Variants in EYS observed in about 807,000 individuals in gnomAD.
EYS encodes the protein protein eyes shut homolog.
In EYS, 250 loss-of-function variants were observed where a neutral mutation model predicts 282.1. The observed-to-expected ratio is 0.89, with a 90% CI of 0.80 to 0.98. The LOEUF is 0.98. Among genes scored for constraint, EYS ranks in the 50% least tolerant of loss-of-function variants. EYS has a pLI of 0.00. For missense variants in EYS, 4,016 were observed against 3,709.0 expected, an observed-to-expected ratio of 1.08 and a Z score of -2.15; for synonymous variants, 1,355 against 1,282.9, an observed-to-expected ratio of 1.06 and a Z score of -1.20.
At position 63,890,559 on chromosome 6, in the gene EYS, C is replaced by T. The variant is rs111399464; in HGVS notation, c.7056-26201G>A. On this transcript the variant is annotated intron_variant, in intron 35 of 42. Transcript: ENST00000503581. ...TATTTGAAACCAATGAGAATAAAGA[C>T]ACACTGTACCAGAATCTCTGGGACA... Among the ~76,000 whole-genome samples the T allele has an allele frequency of 7.1e-3, 1,080 of 152,214 alleles. 17 individuals are homozygous for T. The highest frequency in any genetic ancestry group is 0.024 in the South Asian group (118 of 4,824).
chr6:64,568,503 T>A (rs1446889488), intron 26 of EYS, among the ~76,000 whole-genome samples: 3 of 152,034 alleles, frequency 2.0e-5, no homozygotes, highest in African/African-American at 7.2e-5. Flanking sequence ...CAGATAAAAT[T>A]CCCATCTCCC....
chr6:64,447,331 C>A (rs1037554329), intron 26 of EYS, among the ~76,000 whole-genome samples: 1 of 152,028 alleles, frequency 6.6e-6, no homozygotes, highest in African/African-American at 2.4e-5. Flanking sequence ...TTACATAATC[C>A]ATTTTAGCTC....
chr6:65,191,948 CTT>C (rs60578566), intron 12 of EYS, among the ~76,000 whole-genome samples: 226 of 146,078 alleles, frequency 1.5e-3, no homozygotes, highest in African/African-American at 4.7e-3. Context: ...TTCATTTGTA[CTT>C]TTTTTTTTTT....
At chr6:63,825,868 C>T (rs1771446390) in intron 36 of EYS, among the ~76,000 whole-genome samples, 2 of 152,122 alleles carry the variant, frequency 1.3e-5, no homozygotes, top group South Asian at 4.1e-4. Flanking sequence ...CACTAGTTCA[C>T]CAGCACTGGA....
At chr6:64,143,263 AT>A (rs1774397917) in intron 31 of EYS, among the ~76,000 whole-genome samples, 1 of 149,662 alleles carries the variant, frequency 6.7e-6, no homozygotes, top group African/African-American at 2.4e-5. Flanking sequence ...TTCTACATTT[AT>A]CCCAATCCAT....
chr6:64,596,606 A>C (rs1197421652), intron 24 of EYS, among the ~76,000 whole-genome samples: 1 of 152,138 alleles, frequency 6.6e-6, no homozygotes, highest in African/African-American at 2.4e-5. Context: ...CAAACGTTAG[A>C]GAAAGAATGC....
chr6:65,681,148 C>T (rs940137525), intron 1 of EYS, among the ~76,000 whole-genome samples: 7 of 145,904 alleles, frequency 4.8e-5, no homozygotes, highest in Non-Finnish European at 7.5e-5. Flanking sequence ...CACTCTACCT[C>T]GTAGCAAATG....
intron 37 of EYS, among the ~76,000 whole-genome samples, chr6:63,799,457 C>A (rs867686795): frequency 4.5e-4 from 69 of 152,126 alleles, no homozygotes; most frequent in African/African-American, 1.6e-3. Context: ...TCACTACAAT[C>A]CGAATCAATC....
At chr6:65,465,994 CAATCAAT>C (rs1764984973) in intron 5 of EYS, among the ~76,000 whole-genome samples, 1 of 151,502 alleles carries the variant, frequency 6.6e-6, no homozygotes, top group Non-Finnish European at 1.5e-5. Context: ...ATCAATCAAT[CAATCAAT>C]AATAAATAAG....
chr6:65,172,695 T>C (rs1370684564), intron 12 of EYS, among the ~76,000 whole-genome samples: 1 of 151,416 alleles, frequency 6.6e-6, no homozygotes, highest in Non-Finnish European at 1.5e-5. Flanking sequence ...TTGTTAACAG[T>C]TTCCAATTTT....
intron 22 of EYS, among the ~76,000 whole-genome samples, chr6:64,782,620 G>A (rs532263429): frequency 1.3e-5 from 2 of 152,134 alleles, no homozygotes; most frequent in Non-Finnish European, 2.9e-5. Context: ...ATATGATGGT[G>A]ATGGATGATT....
intron 14 of EYS, among the ~76,000 whole-genome samples, chr6:64,964,569 G>T (rs1377570923): frequency 2.0e-5 from 3 of 152,040 alleles, no homozygotes; most frequent in Non-Finnish European, 4.4e-5. Flanking sequence ...GAATATTTGG[G>T]AAATTTCCTG....
chr6:64,560,647 T>C (rs1312833464), intron 26 of EYS, among the ~76,000 whole-genome samples: 1 of 152,116 alleles, frequency 6.6e-6, no homozygotes, highest in African/African-American at 2.4e-5. Flanking sequence ...CACAGTGTCC[T>C]ACATAATTTC....
chr6:64,022,599 A>G (rs1769243348), intron 33 of EYS, among the ~76,000 whole-genome samples: 3 of 152,194 alleles, frequency 2.0e-5, no homozygotes, highest in Admixed American at 6.5e-5. Flanking sequence ...GTTCAGAGCC[A>G]GAAAGAAAAA....
At chr6:63,847,033 G>A (rs1772116126) in intron 36 of EYS, among the ~76,000 whole-genome samples, 1 of 151,950 alleles carries the variant, frequency 6.6e-6, no homozygotes, top group Non-Finnish European at 1.5e-5. Flanking sequence ...AGCCCTTCAG[G>A]AAACATGGAT....
chr6:64,237,748 T>G (rs1766660267), intron 30 of EYS, among the ~76,000 whole-genome samples: 1 of 152,192 alleles, frequency 6.6e-6, no homozygotes. Flanking sequence ...TTAGTTTGAT[T>G]AATAACTTTG....
chr6:64,924,966 A>G (rs538537042), intron 15 of EYS, among the ~76,000 whole-genome samples: 49 of 152,288 alleles, frequency 3.2e-4, no homozygotes, highest in African/African-American at 1.1e-3. Flanking sequence ...TTCCAAAGTC[A>G]CTTCCACGTT....
At chr6:64,055,195 C>T (rs924122612) in intron 33 of EYS, among the ~76,000 whole-genome samples, 1 of 152,128 alleles carries the variant, frequency 6.6e-6, no homozygotes, top group African/African-American at 2.4e-5. Flanking sequence ...GGATTAGTCA[C>T]TCTGCTAACT....
intron 35 of EYS, among the ~76,000 whole-genome samples, chr6:63,942,774 C>T (rs927168949): frequency 6.6e-6 from 1 of 152,116 alleles, no homozygotes; most frequent in Non-Finnish European, 1.5e-5. Context: ...CTGAATGTGT[C>T]TGTCTCTCCT....
Sources: allele counts gnomAD v4.1 joint callset (sites outside exome capture counted in the v4.1 genomes callset), GRCh38; gene constraint gnomAD v4.1.1; transcripts MANE v1.5; gene names NCBI Gene and HGNC (gene_info 2026-07-23, HGNC 2026-07-21).